DMBT1: variants seen among roughly 807,000 people sequenced by gnomAD.
DMBT1 encodes deleted in malignant brain tumors 1.
Under a neutral mutation model 252.9 loss-of-function variants are expected in DMBT1, and 198 were observed. The ratio of observed to expected loss-of-function variants is 0.78; its 90% CI spans 0.70 to 0.88. The LOEUF (loss-of-function observed/expected upper bound fraction) is 0.88, where lower values mean the gene tolerates loss of function less well. Among genes scored for constraint, DMBT1 ranks in the 40% least tolerant of loss-of-function variants. The pLI, the probability that DMBT1 is intolerant of heterozygous loss-of-function variation, is 0.00. For missense variants in DMBT1, 2,432 were observed against 2,404.7 expected (o/e 1.01, Z -0.24); for synonymous variants, 990 against 942.7 (o/e 1.05, Z -0.92).
intron 52 of DMBT1, among the ~76,000 whole-genome samples, chr10:122,635,506 T>C (rs1219532631): frequency 2.0e-5 from 3 of 152,286 alleles, no homozygotes; most frequent in East Asian, 3.9e-4. Flanking sequence ...GATGAGACTC[T>C]CTTGATTTAA....
chr10:122,580,089 G>T (rs1206316321), intron 10 of DMBT1, among the ~76,000 whole-genome samples, 188 bp downstream of exon 10: 4 of 152,168 alleles, frequency 2.6e-5, no homozygotes, highest in Non-Finnish European at 5.9e-5. Flanking sequence ...TAGGACAGGG[G>T]ATCAAACTAA....
rs746849148 is a variant in DMBT1 at position 122,592,387 on chromosome 10, C to A, written c.2292C>A (p.Thr764=). 1 of 1,588,440 alleles carries A rather than the reference C, an allele frequency of 6.3e-7. No homozygotes were observed. Among genetic ancestry groups the A allele is most frequent in the Admixed American group, 1.7e-5 (1 of 59,552 alleles). ...WGTVCDDSWD[T]NDANVVCRQL... is the part of the protein sequence containing the mutation. ...CCGTGTGTGATGACAGCTGGGATACCAATGATGCCAATGTGGTCTGCAGGC... is the reference window on the plus strand; with the variant it reads ...CCGTGTGTGATGACAGCTGGGATACAAATGATGCCAATGTGGTCTGCAGGC... Residue 764 remains threonine, a synonymous_variant, in exon 20 of 56, where the codon ACC becomes ACA. Coordinates refer to ENST00000338354, the MANE Select transcript of DMBT1 (RefSeq NM_001377530.1).
At chr10:122,618,434 T>C (rs1429951570) in intron 41 of DMBT1, 94 bp downstream of exon 41, 8 of 1,577,094 alleles carry the variant, frequency 5.1e-6, no homozygotes, top group Middle Eastern at 3.4e-4. Context: ...CTCAAAGCTT[T>C]TTCTATGTTT....
At chr10:122,563,736 G>A (rs11524818) in intron 1 of DMBT1, among the ~76,000 whole-genome samples, 34,670 of 152,142 alleles carry the variant, frequency 0.23, 4,591 homozygotes, top group Non-Finnish European at 0.31. Context: ...GTGCAGAAGG[G>A]TCTATTCAAA....
chr10:122,632,766 C>T, intron 50 of DMBT1, 95 bp from the exon 51 acceptor site: 2 of 1,526,662 alleles, frequency 1.3e-6, no homozygotes, highest in Non-Finnish European at 1.8e-6. Context: ...CCTGTGGACT[C>T]AGGCTTGGCA....
intron 2 of DMBT1, 75 bp downstream of exon 2, chr10:122,566,071 C>A (rs912689937): frequency 2.1e-6 from 3 of 1,453,598 alleles, no homozygotes; most frequent in Non-Finnish European, 2.9e-6. Context: ...CTAGTTGAGG[C>A]TGAGCACAGC....
At chr10:122,588,359 G>T (rs1333491645) in intron 16 of DMBT1, among the ~76,000 whole-genome samples, 1 of 147,108 alleles carries the variant, frequency 6.8e-6, no homozygotes, top group Non-Finnish European at 1.5e-5. Flanking sequence ...CTGGTGACCT[G>T]TCTCCCTTGG....
intron 11 of DMBT1, 54 bp downstream of exon 11, chr10:122,580,949 C>T (rs1395523457): frequency 6.3e-7 from 1 of 1,594,636 alleles, no homozygotes; most frequent in Non-Finnish European, 8.6e-7. Flanking sequence ...GCCCAATCAC[C>T]CCTTCCACAC....
At chr10:122,580,358 C>T (rs1009653574) in intron 10 of DMBT1, among the ~76,000 whole-genome samples, 1 of 152,188 alleles carries the variant, frequency 6.6e-6, no homozygotes, top group Non-Finnish European at 1.5e-5. Context: ...GTTAGGAGTG[C>T]AAATGGGTGT....
At chr10:122,567,553 G>A (rs2097607464) in intron 2 of DMBT1, among the ~76,000 whole-genome samples, 1 of 152,100 alleles carries the variant, frequency 6.6e-6, no homozygotes, top group Non-Finnish European at 1.5e-5. Context: ...CTCACTCTGT[G>A]ACCACAAGTT....
intron 54 of DMBT1, among the ~76,000 whole-genome samples, chr10:122,638,244 A>C (rs76217740): frequency 0.095 from 14,514 of 152,074 alleles, 772 homozygotes; most frequent in South Asian, 0.19. Context: ...ATGCCAAGTG[A>C]GCAGCCTGGA....
At position 122,593,602 on chromosome 10, in the gene DMBT1, G is replaced by T; in HGVS notation, c.2530+4G>T. The stretch of plus-strand genomic sequence containing the variant: ...TCCCGGCCGACACCCAGTCCAGGTA[G>T]GTCCCCAGTGTCCTTCCTCAAAATG... On this transcript the variant is annotated splice_donor_region_variant and intron_variant, in intron 21 of 55. Transcript: ENST00000338354. 5.0e-6 allele frequency: 8 copies of T among 1,586,988 alleles called. 1 individual carries two copies. Among genetic ancestry groups the T allele is most frequent in the South Asian group, 1.1e-5 (1 of 87,564 alleles).
intron 1 of DMBT1, among the ~76,000 whole-genome samples, chr10:122,563,586 C>CAAAAA (rs5788567): frequency 0.58 from 85,403 of 146,618 alleles, 25,136 homozygotes; most frequent in Admixed American, 0.69. Flanking sequence ...GACTCTGTCT[C>CAAAAA]AAAAAAAAAA....
chr10:122,630,027 G>T, intron 47 of DMBT1, 34 bp downstream of exon 47: 2 of 1,612,214 alleles, frequency 1.2e-6, no homozygotes, highest in Non-Finnish European at 1.7e-6. Context: ...TGAGGGGTGA[G>T]TTCCTCTGCA....
intron 26 of DMBT1, 139 bp downstream of exon 26, chr10:122,599,236 A>C (rs2097915665): frequency 6.7e-7 from 1 of 1,488,420 alleles, no homozygotes; most frequent in East Asian, 2.4e-5. Context: ...CTCTCTGCTA[A>C]GAATCCCTAT....
Position 122,617,269 on chromosome 10 carries a change from T to C in DMBT1, c.4891+9T>C, listed in dbSNP as rs539350904. 8 of 1,609,028 alleles carry C rather than the reference T, an allele frequency of 5.0e-6. 1 individual carries two copies. The African/African-American group carries it at 6.7e-5, about 14-fold the overall frequency. ...TCGTGCATCAACAGCAGGTAAACAA[T>C]CCTCTCACCCCTCCCTAGGGCTCAC... On this transcript the variant is annotated intron_variant, in intron 40 of 55. Coordinates refer to ENST00000338354, the MANE Select transcript of DMBT1 (RefSeq NM_001377530.1).
chr10:122,564,628 A>C (rs1471500215), intron 1 of DMBT1, among the ~76,000 whole-genome samples: 2 of 88,434 alleles, frequency 2.3e-5, no homozygotes, highest in African/African-American at 7.2e-5. Context: ...ATACCATCAC[A>C]TGTATTTTTT....
At chr10:122,637,961 A>G (rs1843775891) in intron 54 of DMBT1, among the ~76,000 whole-genome samples, 1 of 152,214 alleles carries the variant, frequency 6.6e-6, no homozygotes, top group Non-Finnish European at 1.5e-5. Context: ...GGTGGCTGCA[A>G]CTATGATTAT....
In DMBT1 at chr10:122,618,129, C is replaced by T. The variant is rs1409772846; in HGVS notation, c.5004C>T (p.Asp1668=). Residue 1668 remains aspartate (D), a synonymous_variant, in exon 41 of 56, where the codon GAC becomes GAT. Coordinates refer to ENST00000338354, the MANE Select transcript of DMBT1 (RefSeq NM_001377530.1). ...GCACCGTGTGTGATGACTACTGGGA[C>T]ACCAATGATGCCAACGTGGTCTGCA... ...SWGTVCDDYW[D]TNDANVVCRQ... is the part of the protein sequence containing the mutation. 8 of 1,613,832 alleles carry T rather than the reference C, an allele frequency of 5.0e-6. No individual in the cohort carries two copies. The highest frequency in any genetic ancestry group is 1.6e-4 in the Middle Eastern group (1 of 6,082).
Sources: allele counts gnomAD v4.1 joint callset (sites outside exome capture counted in the v4.1 genomes callset), GRCh38; gene constraint gnomAD v4.1.1; transcripts MANE v1.5; gene names NCBI Gene and HGNC (gene_info 2026-07-23, HGNC 2026-07-21).